The following CPNE4 variants were observed in gnomAD, a reference collection of about 807,000 sequenced individuals.
The protein encoded by CPNE4 is copine 4, also known as copine-4.
CPNE4 carries 25 observed loss-of-function variants against 67.9 expected under a neutral mutation model. The observed-to-expected ratio is 0.37, with a 90% CI of 0.27 to 0.51. The LOEUF is 0.51. Among genes scored for constraint, CPNE4 ranks in the 20% least tolerant of loss-of-function variants. CPNE4 has a pLI of 0.93. For missense variants in CPNE4, 464 were observed against 690.8 expected (o/e 0.67, Z 3.68); for synonymous variants, 242 against 244.9 (o/e 0.99, Z 0.11).
chr3:131,905,560 T>C, intron 1 of CPNE4, 116 bp from the exon 2 acceptor site: 1 of 890,458 alleles, frequency 1.1e-6, no homozygotes, highest in Non-Finnish European at 1.7e-6. Flanking sequence ...TTTCAAACAT[T>C]GAAGGTATTT....
chr3:131,795,009 G>A (rs1390511604), intron 2 of CPNE4, among the ~76,000 whole-genome samples: 1 of 152,194 alleles, frequency 6.6e-6, no homozygotes, highest in Non-Finnish European at 1.5e-5. Flanking sequence ...GCTTAGCCAT[G>A]GCAGTACTAC....
chr3:131,716,813 G>C (rs2081703267), intron 3 of CPNE4, among the ~76,000 whole-genome samples: 1 of 152,230 alleles, frequency 6.6e-6, no homozygotes, highest in South Asian at 2.1e-4. Flanking sequence ...TTAAGTGGCT[G>C]CAAGAATTTG....
At chr3:131,695,941 A>G (rs538752286) in intron 5 of CPNE4, among the ~76,000 whole-genome samples, 14 of 152,354 alleles carry the variant, frequency 9.2e-5, no homozygotes, top group South Asian at 4.1e-4. Flanking sequence ...TTTTACTTCA[A>G]TGATGAATTC....
At chr3:131,669,077 A>T (rs554253628) in intron 7 of CPNE4, among the ~76,000 whole-genome samples, 1 of 152,278 alleles carries the variant, frequency 6.6e-6, no homozygotes, top group African/African-American at 2.4e-5. Flanking sequence ...TCGAACCCTA[A>T]GTTCACTGTG....
chr3:131,745,045 C>T (rs1276039690), intron 2 of CPNE4, among the ~76,000 whole-genome samples: 1 of 152,126 alleles, frequency 6.6e-6, no homozygotes, highest in East Asian at 1.9e-4. Context: ...TTTACATTCC[C>T]ATTAGCAAAG....
chr3:131,596,621 C>CAGAAA lies in CPNE4; in HGVS notation c.682-9040_682-9039insTTTCT, dbSNP rs1491443015. 2.0e-3 allele frequency among the ~76,000 whole-genome samples: 67 copies of CAGAAA among 32,982 alleles called. 3 individuals carry two copies. The highest frequency in any genetic ancestry group is 3.9e-3 in the Admixed American group (7 of 1,816). 21.6% of individuals were successfully genotyped at this position (32,982 alleles called of 152,430 possible). A position where few individuals can be genotyped will look rare whatever the true frequency, so the allele number is the denominator to read the frequency against. ...TGGGCGACAGAGCGAGACTCCGTCT[C>CAGAAA]AAAAAAAAAAAAAAAAAAAAAAAAA... On this transcript the variant is annotated intron_variant, in intron 7 of 15. Transcript: ENST00000429747.
intron 4 of CPNE4, among the ~76,000 whole-genome samples, chr3:131,698,891 C>G (rs935384705): frequency 2.1e-4 from 25 of 118,278 alleles, no homozygotes; most frequent in African/African-American, 7.1e-4. Flanking sequence ...GTCTGGGTGA[C>G]AGGCTGAGAC....
chr3:131,697,466 A>G (rs576607459), intron 4 of CPNE4, among the ~76,000 whole-genome samples: 18 of 152,328 alleles, frequency 1.2e-4, no homozygotes, highest in Admixed American at 2.0e-4. Flanking sequence ...CCTCTTTTCT[A>G]TCTGAGCTCA....
chr3:131,706,454 T>A (rs80176444), intron 3 of CPNE4, among the ~76,000 whole-genome samples: 1 of 152,330 alleles, frequency 6.6e-6, no homozygotes, highest in Non-Finnish European at 1.5e-5. Context: ...TACGTATGAA[T>A]GAGAAAATTG....
chr3:131,575,059 A>G lies in CPNE4; in HGVS notation c.927+12T>C. On this transcript the variant is annotated intron_variant, in intron 10 of 15. Transcript: ENST00000429747. ...GAATAAGAATCAAGGAATCAACATG[A>G]AAACAACTTACTGTAAACTGGATTT... 6.2e-7 allele frequency: 1 copy of G among 1,610,786 alleles called. No homozygotes were observed. Among genetic ancestry groups the G allele is most frequent in the Non-Finnish European group, 8.5e-7 (1 of 1,177,320 alleles).
rs2073167959 is a variant in CPNE4 at position 131,991,229 on chromosome 3, G to C, written c.-2+43338C>G. 1.5e-5 allele frequency among the ~76,000 whole-genome samples: 2 copies of C among 136,186 alleles called. 1 individual carries two copies. The highest frequency in any genetic ancestry group is 3.3e-5 in the Non-Finnish European group (2 of 60,022). 89.3% of individuals were successfully genotyped at this position (136,186 alleles called of 152,430 possible). A position where few individuals can be genotyped will look rare whatever the true frequency, so the allele number is the denominator to read the frequency against. On this transcript the variant is annotated intron_variant, in intron 1 of 15. Transcript: ENST00000429747. ...CAGGCAGAGGTTGGAAGAGTTTGGAGGGCTCAGAAGAGGACATAAAAATGT... is the reference window on the plus strand; with the variant it reads ...CAGGCAGAGGTTGGAAGAGTTTGGACGGCTCAGAAGAGGACATAAAAATGT...
intron 1 of CPNE4, among the ~76,000 whole-genome samples, chr3:131,924,207 T>G (rs1198181670): frequency 1.3e-5 from 2 of 152,212 alleles, no homozygotes; most frequent in African/African-American, 4.8e-5. Flanking sequence ...TTACAGCTGC[T>G]AAGTCCTTAT....
intron 1 of CPNE4, among the ~76,000 whole-genome samples, chr3:131,972,100 C>G (rs1011588802): frequency 6.6e-6 from 1 of 151,300 alleles, no homozygotes; most frequent in African/African-American, 2.4e-5. Flanking sequence ...AACTTCTTAT[C>G]TTCTATCCTT....
At chr3:131,560,889 A>C (rs532666842) in intron 11 of CPNE4, among the ~76,000 whole-genome samples, 6 of 152,078 alleles carry the variant, frequency 3.9e-5, no homozygotes, top group Middle Eastern at 3.4e-3. Context: ...AGGCTTTTCG[A>C]ATGGCTTCAA....
chr3:131,547,484 A>C (rs1935929662), intron 14 of CPNE4, among the ~76,000 whole-genome samples: 1 of 144,160 alleles, frequency 6.9e-6, no homozygotes, highest in Non-Finnish European at 1.5e-5. Context: ...AAAAAAAAAA[A>C]AAAAAAAAAA....
At chr3:131,905,165 T>C in intron 2 of CPNE4, 99 bp downstream of exon 2, 1 of 1,051,628 alleles carries the variant, frequency 9.5e-7, no homozygotes, top group Non-Finnish European at 1.4e-6. Flanking sequence ...TCAAATTTCT[T>C]ATTTCATCAA....
Position 131,780,715 on chromosome 3 carries a change from G to A in CPNE4, c.181-57090C>T, listed in dbSNP as rs138415432. Among the ~76,000 whole-genome samples the A allele has an allele frequency of 6.2e-3, 944 of 152,130 alleles. 11 individuals carry two copies. The highest frequency in any genetic ancestry group is 0.021 in the African/African-American group (869 of 41,524). On this transcript the variant is annotated intron_variant, in intron 2 of 15. Transcript: ENST00000429747. ...ATGAGGATTGAAAACTACCTATTGG[G>A]TGTTATGTTGATTGCCTGAGTGACA...
At chr3:131,674,286 G>T (rs189918352) in intron 6 of CPNE4, among the ~76,000 whole-genome samples, 16 of 151,974 alleles carry the variant, frequency 1.1e-4, no homozygotes, top group Non-Finnish European at 2.2e-4. Flanking sequence ...TTTTTTTGAT[G>T]TATCTTTGTA....
At chr3:131,767,743 C>T (rs891454377) in intron 2 of CPNE4, among the ~76,000 whole-genome samples, 5 of 151,704 alleles carry the variant, frequency 3.3e-5, no homozygotes, top group Non-Finnish European at 7.4e-5. Flanking sequence ...TTCCCCAAAT[C>T]CCTGCTACCC....
Sources: allele counts gnomAD v4.1 joint callset (sites outside exome capture counted in the v4.1 genomes callset), GRCh38; gene constraint gnomAD v4.1.1; transcripts MANE v1.5; gene names NCBI Gene and HGNC (gene_info 2026-07-23, HGNC 2026-07-21).